The following RPF2 variants were observed in gnomAD, a reference collection of about 807,000 sequenced individuals.
The protein encoded by RPF2 is brix domain containing 1.
In RPF2, 21 loss-of-function variants were observed where a neutral mutation model predicts 38.9. The observed-to-expected ratio is 0.54, with a 90% CI of 0.38 to 0.78. The LOEUF (loss-of-function observed/expected upper bound fraction) is 0.78. Ranked by LOEUF, RPF2 falls within the 30% of genes least tolerant of loss-of-function variation. RPF2 has a pLI of 0.00. For synonymous variants in RPF2, 121 were observed against 126.2 expected (o/e 0.96, Z 0.28); for missense variants, 314 against 358.1 (o/e 0.88, Z 0.99).
At chr6:110,988,013 A>T (rs1202975515) in intron 2 of RPF2, among the ~76,000 whole-genome samples, 1 of 152,006 alleles carries the variant, frequency 6.6e-6, no homozygotes, top group Admixed American at 6.6e-5. Context: ...AAAATAATAA[A>T]ATACAGCCTG....
At chr6:110,990,376 A>G (rs1249214415) in intron 3 of RPF2, among the ~76,000 whole-genome samples, 1 of 152,180 alleles carries the variant, frequency 6.6e-6, no homozygotes, top group South Asian at 2.1e-4. Flanking sequence ...TTTGACAAGT[A>G]CTTGTCAGTT....
chr6:110,996,345 A>AT (rs995014998), intron 4 of RPF2, among the ~76,000 whole-genome samples: 11 of 151,472 alleles, frequency 7.3e-5, no homozygotes, highest in African/African-American at 1.9e-4. Context: ...TGCCTGGCTA[A>AT]TTTTTTTATT....
chr6:111,017,296 G>A (rs1002823721), intron 8 of RPF2, among the ~76,000 whole-genome samples: 42 of 149,316 alleles, frequency 2.8e-4, no homozygotes, highest in Non-Finnish European at 4.9e-4. Context: ...ACGGGGCGGC[G>A]GCTGGGCGGA....
intron 7 of RPF2, among the ~76,000 whole-genome samples, chr6:111,013,417 G>A (rs1264795689): frequency 6.6e-6 from 1 of 152,114 alleles, no homozygotes; most frequent in East Asian, 1.9e-4. Flanking sequence ...TTCATTACTT[G>A]TTTGTGTTAC....
chr6:110,997,526 A>G (rs112164280), intron 5 of RPF2, among the ~76,000 whole-genome samples: 2,527 of 152,252 alleles, frequency 0.017, 43 homozygotes, highest in African/African-American at 0.044. Context: ...GGATCATTTG[A>G]GGCCAGGAGT....
At chr6:111,010,882 T>A (rs1475265914) in intron 7 of RPF2, among the ~76,000 whole-genome samples, 1 of 152,226 alleles carries the variant, frequency 6.6e-6, no homozygotes, top group African/African-American at 2.4e-5. Flanking sequence ...CGTCACCCAT[T>A]CTTGGGATTA....
chr6:111,018,447 G>A (rs1166467279), intron 8 of RPF2, among the ~76,000 whole-genome samples: 4 of 152,196 alleles, frequency 2.6e-5, no homozygotes, highest in Admixed American at 6.5e-5. Context: ...TGTTGACAGT[G>A]TCTTCTGTAC....
At chr6:110,994,057 A>G (rs1318496974) in intron 4 of RPF2, among the ~76,000 whole-genome samples, 3 of 151,644 alleles carry the variant, frequency 2.0e-5, no homozygotes, top group Non-Finnish European at 4.4e-5. Context: ...CGTGTGGATC[A>G]CCTAAGGTCA....
chr6:110,993,440 T>G (rs1382235178), intron 4 of RPF2, among the ~76,000 whole-genome samples: 3 of 152,224 alleles, frequency 2.0e-5, no homozygotes, highest in Non-Finnish European at 4.4e-5. Flanking sequence ...TACTCAGTTT[T>G]TTTCAAATTA....
At chr6:110,985,682 G>A (rs1203906465) in intron 2 of RPF2, among the ~76,000 whole-genome samples, 3 of 152,086 alleles carry the variant, frequency 2.0e-5, no homozygotes, top group Non-Finnish European at 2.9e-5. Flanking sequence ...GTTCACGCCT[G>A]TAATCCCAGC....
chr6:111,025,578 A>T lies in RPF2; in HGVS notation c.917A>T (p.Asn306Ile). ...AAAAAGTCAAAAAGAATTAAAAAAA[A>T]TTGATGGAACTTAGCCAGCCACTAC... is the stretch of plus-strand genomic sequence containing the variant. The part of the protein sequence containing the change: ...HEKKSKRIKK[N>I] Residue 306 changes from asparagine to isoleucine, a missense_variant, in exon 10 of 10, where the codon AAT (asparagine) becomes ATT (isoleucine). Physicochemically the swap from Asn to Ile is moderately radical, Grantham distance 149 (BLOSUM62 -3). Coordinates refer to ENST00000441448, the MANE Select transcript of RPF2 (RefSeq NM_032194.3). 4 of 1,604,300 alleles carry T rather than the reference A, an allele frequency of 2.5e-6. No homozygotes were observed. Among genetic ancestry groups the T allele is most frequent in the Non-Finnish European group, 3.4e-6 (4 of 1,177,064 alleles).
chr6:111,024,281 C>T lies in RPF2; in HGVS notation c.695C>T (p.Ser232Leu), dbSNP rs771672777. 2.7e-5 allele frequency: 43 copies of T among 1,611,924 alleles called. No individual in the cohort carries two copies. Among genetic ancestry groups the T allele is most frequent in the East Asian group, 4.5e-5 (2 of 44,870 alleles). ...GTTCTGAGGAGGACACACCTGGCAT[C>T]GGATGACCTTTATAAATTATCTATG... ...DLVLRRTHLA[S>L]DDLYKLSMKM... is the part of the protein sequence containing the mutation. The change falls in exon 9 of 10, where the codon TCG becomes TTG. Residue 232 changes from serine (S) to leucine (L), a missense_variant. Coordinates refer to ENST00000441448, the MANE Select transcript of RPF2 (RefSeq NM_032194.3).
chr6:110,999,707 C>G lies in RPF2; in HGVS notation c.317-4C>G, dbSNP rs934278960. Reference sequence around the variant, plus strand: ...ACATGCTTAAAAATACATTTTCCTTCCAGGTCGTATGTATGACTACCATGT... The same window carrying G: ...ACATGCTTAAAAATACATTTTCCTTGCAGGTCGTATGTATGACTACCATGT... On this transcript the variant is annotated splice_polypyrimidine_tract_variant and splice_region_variant and intron_variant, in intron 5 of 9. Transcript: ENST00000441448. The G allele has an allele frequency of 3.8e-6, 6 of 1,589,034 alleles. No homozygotes were observed. The highest frequency in any genetic ancestry group is 4.3e-6 in the Non-Finnish European group (5 of 1,157,540).
chr6:111,003,791 C>G (rs1437627847), intron 6 of RPF2, among the ~76,000 whole-genome samples: 2 of 152,122 alleles, frequency 1.3e-5, no homozygotes, highest in Non-Finnish European at 2.9e-5. Flanking sequence ...ACACTGCAAT[C>G]TAGCCTGGGT....
chr6:111,022,987 C>T (rs1274118982), intron 8 of RPF2, among the ~76,000 whole-genome samples: 1 of 152,266 alleles, frequency 6.6e-6, no homozygotes, highest in African/African-American at 2.4e-5. Flanking sequence ...CAACCTCCGC[C>T]TCCTGGGTTT....
intron 5 of RPF2, among the ~76,000 whole-genome samples, chr6:110,997,814 G>C (rs537299413): frequency 3.1e-4 from 47 of 152,174 alleles, no homozygotes; most frequent in African/African-American, 4.8e-4. Flanking sequence ...CATGTGTGCT[G>C]TTTGACCTTT....
intron 4 of RPF2, among the ~76,000 whole-genome samples, chr6:110,996,392 T>A (rs1417563996): frequency 6.6e-6 from 1 of 152,164 alleles, no homozygotes; most frequent in Non-Finnish European, 1.5e-5. Context: ...TTGGCCAGGC[T>A]GGTCTCAAAC....
chr6:110,985,212 C>T (rs939951241), intron 2 of RPF2, 74 bp downstream of exon 2: 14 of 1,239,698 alleles, frequency 1.1e-5, no homozygotes, highest in African/African-American at 4.5e-5. Flanking sequence ...GATGGGCTGT[C>T]GGAGAAATAC....
chr6:111,000,721 C>A (rs900471287), intron 6 of RPF2, among the ~76,000 whole-genome samples: 1 of 152,126 alleles, frequency 6.6e-6, no homozygotes, highest in Admixed American at 6.6e-5. Context: ...TCACCTAGAC[C>A]TCATAGCAAT....
Sources: allele counts gnomAD v4.1 joint callset (sites outside exome capture counted in the v4.1 genomes callset), GRCh38; gene constraint gnomAD v4.1.1; transcripts MANE v1.5; gene names NCBI Gene and HGNC (gene_info 2026-07-23, HGNC 2026-07-21).